NGEF: variants seen among roughly 807,000 people sequenced by gnomAD.
The protein encoded by NGEF is neuronal guanine nucleotide exchange factor.
NGEF carries 31 observed loss-of-function variants against 80.9 expected under a neutral mutation model. The ratio of observed to expected loss-of-function variants is 0.38; its 90% CI spans 0.29 to 0.52. The LOEUF (loss-of-function observed/expected upper bound fraction) is 0.52. NGEF is among the 20% of genes least tolerant of loss of function. NGEF has a pLI of 0.84. For synonymous variants in NGEF, 371 were observed against 370.2 expected, an observed-to-expected ratio of 1.00 and a Z score of -0.03; for missense variants, 709 against 926.2, an observed-to-expected ratio of 0.77 and a Z score of 3.04.
chr2:232,931,010 T>A (rs138808064), intron 3 of NGEF, among the ~76,000 whole-genome samples: 80 of 152,316 alleles, frequency 5.3e-4, no homozygotes, highest in Non-Finnish European at 8.8e-4. Flanking sequence ...GCTGTGAATG[T>A]GTGAAACTAG....
rs565945072 is a variant in NGEF at position 232,905,133 on chromosome 2, G to A, written c.829-10217C>T. ...CTCACCTCTCCTCTCCCCTTTCCAC[G>A]GTCTCCCTCTCATGCCGAGCCAAAG... On this transcript the variant is annotated intron_variant, in intron 5 of 14. Transcript: ENST00000264051. 3.4e-3 allele frequency among the ~76,000 whole-genome samples: 522 copies of A among 151,376 alleles called. 4 individuals are homozygous for A. Among genetic ancestry groups the A allele is most frequent in the Middle Eastern group, 0.017 (5 of 294 alleles).
intron 2 of NGEF, 24 bp downstream of exon 2, chr2:232,974,599 G>A (rs113234523): frequency 2.4e-5 from 39 of 1,609,448 alleles, no homozygotes; most frequent in African/African-American, 1.6e-4. Flanking sequence ...GGGAACAGCC[G>A]TGACAGCTGT....
intron 1 of NGEF, among the ~76,000 whole-genome samples, chr2:232,977,933 T>C (rs1424514687): frequency 6.6e-6 from 1 of 152,140 alleles, no homozygotes; most frequent in Non-Finnish European, 1.5e-5. Flanking sequence ...CTGTTTGTTG[T>C]GGGCCTGGGT....
At chr2:232,993,816 G>A (rs1353977648) in intron 1 of NGEF, among the ~76,000 whole-genome samples, 1 of 152,196 alleles carries the variant, frequency 6.6e-6, no homozygotes, top group Non-Finnish European at 1.5e-5. Flanking sequence ...GCCAGTCAGG[G>A]AGGACCACAT....
chr2:232,985,647 A>G (rs1207147440), intron 1 of NGEF, among the ~76,000 whole-genome samples: 1 of 152,082 alleles, frequency 6.6e-6, no homozygotes, highest in African/African-American at 2.4e-5. Context: ...CAGCTACTCG[A>G]GAGGCTAAGG....
intron 3 of NGEF, among the ~76,000 whole-genome samples, chr2:232,954,254 G>T (rs1489882665): frequency 2.0e-5 from 3 of 152,230 alleles, no homozygotes; most frequent in African/African-American, 7.2e-5. Flanking sequence ...TCTGACAGGG[G>T]AGGTGGGTAT....
rs1174512060 is a variant in NGEF at position 232,885,296 on chromosome 2, ATCT to A, written c.1418_1420del (p.Lys473del). 3 of 1,613,822 alleles carry A rather than the reference ATCT, an allele frequency of 1.9e-6. No homozygotes were observed. The highest frequency in any genetic ancestry group is 1.3e-5 in the African/African-American group (1 of 74,902). On this transcript the variant is annotated inframe_deletion, in exon 10 of 15. Transcript: ENST00000264051. ...CCGGTTCACCTTGATCTTGAACTCC[ATCT>A]TCTTCTGAATGCTGATCATCTGTTC... is the stretch of plus-strand genomic sequence containing the variant.
At chr2:232,939,641 T>C (rs1693399828) in intron 3 of NGEF, among the ~76,000 whole-genome samples, 1 of 152,214 alleles carries the variant, frequency 6.6e-6, no homozygotes, top group Non-Finnish European at 1.5e-5. Flanking sequence ...CAGAAACAAC[T>C]ACCTCACCCT....
intron 8 of NGEF, chr2:232,890,807 G>A (rs1691857959): frequency 2.3e-6 from 1 of 430,160 alleles, no homozygotes; most frequent in Admixed American, 2.4e-5. Flanking sequence ...GGTCCGATCA[G>A]GTGACTCCCA....
chr2:232,927,298 G>A lies in NGEF; in HGVS notation c.384-112C>T, dbSNP rs1282819927. 19 of 1,242,044 alleles carry A rather than the reference G, an allele frequency of 1.5e-5. No individual in the cohort carries two copies. The East Asian group carries it at 4.5e-4, about 29-fold the overall frequency. 76.9% of individuals were successfully genotyped at this position (1,242,044 alleles called of 1,614,324 possible). A position where few individuals can be genotyped will look rare whatever the true frequency, so the allele number is the denominator to read the frequency against. Reference sequence around the variant, plus strand: ...GCTGCTAGCCAGCCGGACCTTACCCGGGACCGTCCAGGGGCAGCGGCCGCA... The same window carrying A: ...GCTGCTAGCCAGCCGGACCTTACCCAGGACCGTCCAGGGGCAGCGGCCGCA... On this transcript the variant is annotated intron_variant, in intron 3 of 14. Transcript: ENST00000264051.
At chr2:232,906,068 G>T (rs1199633687) in intron 5 of NGEF, among the ~76,000 whole-genome samples, 11 of 133,442 alleles carry the variant, frequency 8.2e-5, no homozygotes, top group Non-Finnish European at 1.6e-4. Flanking sequence ...CGGGAGGGAG[G>T]TGAGGGGGTC....
intron 3 of NGEF, chr2:232,927,749 C>G (rs1693108254): frequency 1.1e-5 from 5 of 442,370 alleles, no homozygotes; most frequent in Non-Finnish European, 1.8e-5. Flanking sequence ...CGACGGGGCC[C>G]GGGGGTGGGA....
intron 4 of NGEF, among the ~76,000 whole-genome samples, chr2:232,922,401 G>A (rs923349231): frequency 6.6e-6 from 1 of 152,098 alleles, no homozygotes; most frequent in African/African-American, 2.4e-5. Context: ...TTCTGCCAAG[G>A]TAACCAGAGC....
chr2:232,945,133 G>A (rs923200256), intron 3 of NGEF, among the ~76,000 whole-genome samples: 7 of 151,970 alleles, frequency 4.6e-5, no homozygotes, highest in African/African-American at 1.5e-4. Context: ...ATAAATTCTA[G>A]AATTGAAAAT....
chr2:232,989,307 G>A (rs558595562), intron 1 of NGEF, among the ~76,000 whole-genome samples: 2 of 152,242 alleles, frequency 1.3e-5, no homozygotes, highest in South Asian at 4.1e-4. Flanking sequence ...AATTAGCCAG[G>A]CATGGTGGTG....
chr2:232,958,711 A>C (rs918844219), intron 3 of NGEF, among the ~76,000 whole-genome samples: 2 of 152,170 alleles, frequency 1.3e-5, no homozygotes, highest in Non-Finnish European at 2.9e-5. Context: ...TTTGTATTTT[A>C]AAAAACAAGC....
intron 5 of NGEF, among the ~76,000 whole-genome samples, chr2:232,895,815 T>C (rs1278418739): frequency 6.6e-6 from 1 of 152,214 alleles, no homozygotes; most frequent in African/African-American, 2.4e-5. Flanking sequence ...AAGGTGATTT[T>C]CATTTTGGAA....
chr2:232,893,119 C>T, intron 6 of NGEF, 69 bp from the exon 7 acceptor site: 1 of 1,515,316 alleles, frequency 6.6e-7, no homozygotes, highest in Non-Finnish European at 9.0e-7. Flanking sequence ...TCACCAAGGG[C>T]AGCATGCGAG....
intron 3 of NGEF, among the ~76,000 whole-genome samples, chr2:232,942,904 CTTTTT>C (rs60735452): frequency 5.1e-5 from 6 of 117,894 alleles, no homozygotes; most frequent in Admixed American, 9.1e-5. Flanking sequence ...AGTGAAATTT[CTTTTT>C]TTTTTTTTTT....
Sources: allele counts gnomAD v4.1 joint callset (sites outside exome capture counted in the v4.1 genomes callset), GRCh38; gene constraint gnomAD v4.1.1; transcripts MANE v1.5; gene names NCBI Gene and HGNC (gene_info 2026-07-23, HGNC 2026-07-21).